Variants in CACNA2D3 observed in about 807,000 individuals in gnomAD.
The protein encoded by CACNA2D3 is calcium voltage-gated channel auxiliary subunit alpha2delta 3, also known as voltage-dependent calcium channel subunit alpha-2/delta-3.
A neutral mutation model predicts 160.6 loss-of-function variants in CACNA2D3; 60 were observed. The ratio of observed to expected loss-of-function variants is 0.37; its 90% CI spans 0.30 to 0.46. CACNA2D3 has a LOEUF of 0.46. Ranked by LOEUF, CACNA2D3 falls within the 20% of genes least tolerant of loss-of-function variation. CACNA2D3 has a pLI of 1.00. For missense variants in CACNA2D3, 1,205 were observed against 1,365.0 expected, an observed-to-expected ratio of 0.88 and a Z score of 1.85; for synonymous variants, 558 against 492.9, an observed-to-expected ratio of 1.13 and a Z score of -1.75.
intron 13 of CACNA2D3, among the ~76,000 whole-genome samples, chr3:54,791,055 T>G (rs532322257): frequency 6.7e-6 from 1 of 150,326 alleles, no homozygotes; most frequent in South Asian, 2.1e-4. Context: ...TTTTTTTAAC[T>G]TTCTGTTATG....
chr3:54,422,290 G>A (rs1007504295), intron 4 of CACNA2D3, among the ~76,000 whole-genome samples: 2 of 152,182 alleles, frequency 1.3e-5, no homozygotes, highest in African/African-American at 4.8e-5. Context: ...ATTGGAGTTT[G>A]TGTACTACAG....
At chr3:54,976,311 T>G in intron 29 of CACNA2D3, among the ~76,000 whole-genome samples, 1 of 111,850 alleles carries the variant, frequency 8.9e-6, no homozygotes, top group East Asian at 3.1e-4. Context: ...CCCCAGAGTG[T>G]GATGTTCCCC....
chr3:54,310,383 A>G (rs6781279), intron 2 of CACNA2D3, among the ~76,000 whole-genome samples: 62,130 of 151,998 alleles, frequency 0.41, 13,158 homozygotes, highest in Middle Eastern at 0.56. Flanking sequence ...AAGCACATTT[A>G]TGTCATAATA....
chr3:54,878,834 T>G, intron 18 of CACNA2D3, 184 bp from the exon 19 acceptor site: 1 of 437,962 alleles, frequency 2.3e-6, no homozygotes, highest in Non-Finnish European at 4.0e-6. Context: ...ATGAAGGTCA[T>G]TTATTTATTG....
intron 11 of CACNA2D3, among the ~76,000 whole-genome samples, chr3:54,746,665 A>G (rs897408097): frequency 1.3e-5 from 2 of 152,228 alleles, no homozygotes; most frequent in African/African-American, 4.8e-5. Context: ...TTAAAGGTAG[A>G]AGGAATGGAT....
intron 5 of CACNA2D3, among the ~76,000 whole-genome samples, chr3:54,542,537 C>A (rs1431153639): frequency 1.3e-5 from 2 of 152,124 alleles, no homozygotes; most frequent in African/African-American, 4.8e-5. Flanking sequence ...GCCCGAGAGT[C>A]CCTGCAAAAC....
intron 11 of CACNA2D3, among the ~76,000 whole-genome samples, chr3:54,738,435 G>T (rs1701575526): frequency 6.6e-6 from 1 of 152,148 alleles, no homozygotes; most frequent in Admixed American, 6.5e-5. Context: ...GAAACATTTT[G>T]AAAAAGTCAA....
At chr3:54,531,509 T>G (rs1328105621) in intron 5 of CACNA2D3, among the ~76,000 whole-genome samples, 2 of 152,244 alleles carry the variant, frequency 1.3e-5, no homozygotes, top group African/African-American at 4.8e-5. Context: ...GCAGAACTTT[T>G]GATTTCTGTC....
At chr3:54,195,023 C>T (rs1203286901) in intron 2 of CACNA2D3, among the ~76,000 whole-genome samples, 3 of 152,218 alleles carry the variant, frequency 2.0e-5, no homozygotes, top group Non-Finnish European at 4.4e-5. Flanking sequence ...ACCCATCCAA[C>T]GTGGTCACTC....
intron 2 of CACNA2D3, among the ~76,000 whole-genome samples, chr3:54,317,559 C>T (rs1358866385): frequency 6.6e-6 from 1 of 151,812 alleles, no homozygotes; most frequent in East Asian, 1.9e-4. Context: ...TTTTTTGAGA[C>T]AGAGTTTTGG....
chr3:54,330,396 A>G (rs1449383121), intron 3 of CACNA2D3, among the ~76,000 whole-genome samples: 2 of 152,018 alleles, frequency 1.3e-5, no homozygotes, highest in Non-Finnish European at 1.5e-5. Context: ...CCCGTGATGG[A>G]TGTCAGAAAG....
intron 4 of CACNA2D3, among the ~76,000 whole-genome samples, chr3:54,437,690 G>T (rs748696263): frequency 1.3e-5 from 2 of 152,224 alleles, no homozygotes; most frequent in Non-Finnish European, 2.9e-5. Flanking sequence ...CTTTGAGGAT[G>T]CCTGGGACCA....
intron 3 of CACNA2D3, among the ~76,000 whole-genome samples, chr3:54,376,923 G>C (rs1217435699): frequency 6.6e-6 from 1 of 152,218 alleles, no homozygotes; most frequent in African/African-American, 2.4e-5. Flanking sequence ...AATTGGAACA[G>C]ATTTTTCTCT....
intron 2 of CACNA2D3, among the ~76,000 whole-genome samples, chr3:54,173,407 A>G (rs2107314042): frequency 6.6e-6 from 1 of 152,360 alleles, no homozygotes; most frequent in Non-Finnish European, 1.5e-5. Context: ...AAATTTAATA[A>G]TAATGCAATT....
chr3:54,615,877 G>A (rs1229574380), intron 9 of CACNA2D3, among the ~76,000 whole-genome samples: 1 of 152,212 alleles, frequency 6.6e-6, no homozygotes, highest in Non-Finnish European at 1.5e-5. Context: ...CCTCAGATCA[G>A]CCAGCAGCAT....
intron 35 of CACNA2D3, among the ~76,000 whole-genome samples, chr3:55,050,435 ACTCTCTTCT>A (rs1704174278): frequency 6.7e-6 from 1 of 149,386 alleles, no homozygotes; most frequent in African/African-American, 2.5e-5. Flanking sequence ...ATTGGCCCCC[ACTCTCTTCT>A]GGCTTGTAGA....
In CACNA2D3 at chr3:54,885,287, A is replaced by G. The variant is rs1271730897; in HGVS notation, c.1919A>G (p.His640Arg). 1 of 1,613,772 alleles carries G rather than the reference A, an allele frequency of 6.2e-7. No individual in the cohort carries two copies. The highest frequency in any genetic ancestry group is 8.5e-7 in the Non-Finnish European group (1 of 1,179,826). Reference sequence around the variant, plus strand: ...CCTTCTCCTTGACCCCCAGGCCTGCATGACTTAGAACATCCCGATGTGTCC... The same window carrying G: ...CCTTCTCCTTGACCCCCAGGCCTGCGTGACTTAGAACATCCCGATGTGTCC... ...RGNVTIEEGL[H>R]DLEHPDVSLA... The change falls in exon 22 of 38, where the codon CAT becomes CGT. Residue 640 changes from histidine (H) to arginine (R), a missense_variant. By Grantham distance (29) the His-to-Arg change is conservative (BLOSUM62 0). This residue lies in a region of CACNA2D3 where 911 missense variants were observed against 1,002.2 expected (regional missense o/e 0.91). Transcript: ENST00000474759.
chr3:54,569,711 A>C (rs2106719129), intron 6 of CACNA2D3, 84 bp from the exon 7 acceptor site: 1 of 1,130,618 alleles, frequency 8.8e-7, no homozygotes, highest in Non-Finnish European at 1.3e-6. Flanking sequence ...CTGTCCATTC[A>C]ATCAGCAAAG....
intron 17 of CACNA2D3, among the ~76,000 whole-genome samples, chr3:54,852,319 C>T (rs1207216098): frequency 6.6e-6 from 1 of 152,248 alleles, no homozygotes. Flanking sequence ...CTTCCGCAGA[C>T]AAACTGTCAT....
Sources: gnomAD v4.1 joint callset for allele counts (sites outside exome capture counted in the v4.1 genomes callset) on GRCh38, gnomAD v4.1.1 for gene constraint, gnomAD v4.1.1 regional missense constraint, MANE v1.5 for transcripts, NCBI Gene and HGNC (gene_info 2026-07-23, HGNC 2026-07-21) for gene names.